Variants in RTL4 observed in about 807,000 individuals in gnomAD.
RTL4 encodes the protein retrotransposon Gag like 4.
A neutral mutation model predicts 5.3 loss-of-function variants in RTL4; 4 were observed. The ratio of observed to expected loss-of-function variants is 0.75; its 90% CI spans 0.37 to 1.72. The LOEUF is 1.72. RTL4 is among the 40% of genes most tolerant of loss of function. The probability of loss-of-function intolerance (pLI) is 0.04; values close to 1 mark genes in which losing one functional copy is unlikely to be tolerated. For synonymous variants in RTL4, 98 were observed against 87.3 expected, an observed-to-expected ratio of 1.12 and a Z score of -0.68; for missense variants, 260 against 227.1, an observed-to-expected ratio of 1.14 and a Z score of -0.93.
chrX:112,407,463 C>A, the RTL4 span, among the ~76,000 whole-genome samples: 2 of 111,621 alleles, frequency 1.8e-5, no homozygotes, highest in Non-Finnish European at 3.8e-5. Context: ...TCTTGTAGTT[C>A]GAGTGCCACT....
At chrX:112,092,920 T>C in the RTL4 span, among the ~76,000 whole-genome samples, 2 of 111,403 alleles carry the variant, frequency 1.8e-5, no homozygotes, top group African/African-American at 6.5e-5. Context: ...AGGTATGTCT[T>C]TATCAGCAGC....
chrX:112,167,878 G>GA, the RTL4 span, among the ~76,000 whole-genome samples: 269 of 99,257 alleles, frequency 2.7e-3, 1 homozygote, highest in African/African-American at 8.5e-3. Flanking sequence ...AAGGCCAAAA[G>GA]AAAAAAAAAA....
chrX:112,119,766 A>G, the RTL4 span, among the ~76,000 whole-genome samples: 1 of 111,632 alleles, frequency 9.0e-6, no homozygotes, highest in Non-Finnish European at 1.9e-5. Flanking sequence ...TTGTAATGGG[A>G]AAGAGCACCA....
the RTL4 span, among the ~76,000 whole-genome samples, chrX:112,387,356 T>TC: frequency 1.1e-5 from 1 of 88,189 alleles, no homozygotes; most frequent in African/African-American, 6.1e-5. Flanking sequence ...CACCTATTTA[T>TC]CTTTTTTTTT....
the RTL4 span, among the ~76,000 whole-genome samples, chrX:112,274,899 A>G: frequency 8.9e-6 from 1 of 111,923 alleles, no homozygotes; most frequent in East Asian, 2.8e-4. Flanking sequence ...AGCAGAGTAC[A>G]TGTCATGAGC....
chrX:112,095,626 T>C, the RTL4 span, among the ~76,000 whole-genome samples: 2 of 110,768 alleles, frequency 1.8e-5, no homozygotes, highest in African/African-American at 6.6e-5. Flanking sequence ...CCCAATGAGA[T>C]GGAAGAGCCT....
chrX:112,358,277 T>C, the RTL4 span, among the ~76,000 whole-genome samples: 2 of 102,531 alleles, frequency 2.0e-5, no homozygotes, highest in Non-Finnish European at 4.0e-5. Context: ...ACTTATGCAT[T>C]TTTTTTTTTT....
At chrX:112,099,468 A>G in the RTL4 span, among the ~76,000 whole-genome samples, 1 of 111,413 alleles carries the variant, frequency 9.0e-6, no homozygotes, top group African/African-American at 3.3e-5. Flanking sequence ...AAGAAAGACT[A>G]TAGAGAAAGT....
chrX:112,310,843 A>G, the RTL4 span, among the ~76,000 whole-genome samples: 1 of 88,852 alleles, frequency 1.1e-5, no homozygotes, highest in South Asian at 4.7e-4. Flanking sequence ...TATATTATAT[A>G]TAAAATACAT....
At chrX:112,330,598 T>A in the RTL4 span, among the ~76,000 whole-genome samples, 1 of 110,601 alleles carries the variant, frequency 9.0e-6, no homozygotes, top group Admixed American at 9.6e-5. Context: ...AATTTACAGA[T>A]TCAATGCCAT....
At chrX:112,307,999 AAGGGATTACACTAT>A in the RTL4 span, among the ~76,000 whole-genome samples, 3 of 111,580 alleles carry the variant, frequency 2.7e-5, no homozygotes, top group African/African-American at 6.5e-5. Context: ...AGTGACTTGC[AAGGGATTACACTAT>A]CTTTTCTCCA....
At chrX:112,343,186 C>T in the RTL4 span, among the ~76,000 whole-genome samples, 1 of 112,188 alleles carries the variant, frequency 8.9e-6, no homozygotes, top group African/African-American at 3.2e-5. Flanking sequence ...CCTAACAAGT[C>T]CAAATGTCAT....
At chrX:112,446,958 T>C in the RTL4 span, among the ~76,000 whole-genome samples, 1 of 112,045 alleles carries the variant, frequency 8.9e-6, no homozygotes, top group East Asian at 2.8e-4. Flanking sequence ...TCGTATAAAT[T>C]CGAGAAAGAA....
chrX:112,231,178 A>G, the RTL4 span, among the ~76,000 whole-genome samples: 5 of 110,619 alleles, frequency 4.5e-5, no homozygotes, highest in African/African-American at 6.6e-5. Flanking sequence ...ATTCCTCAGG[A>G]ATCTAGAACT....
At chrX:112,385,100 A>T in the RTL4 span, among the ~76,000 whole-genome samples, 1 of 111,400 alleles carries the variant, frequency 9.0e-6, no homozygotes, top group African/African-American at 3.3e-5. Flanking sequence ...TATTCTGGAA[A>T]CAAGTCTTTC....
At chrX:112,103,605 C>T in the RTL4 span, among the ~76,000 whole-genome samples, 5 of 110,237 alleles carry the variant, frequency 4.5e-5, no homozygotes, top group Admixed American at 3.9e-4. Context: ...AGAAAGCAGA[C>T]GGACTTCACT....
the RTL4 span, among the ~76,000 whole-genome samples, chrX:112,382,407 C>G: frequency 9.0e-6 from 1 of 111,011 alleles, no homozygotes; most frequent in South Asian, 3.7e-4. Context: ...ACCAGCTTCC[C>G]TTAACTAGCT....
chrX:112,373,930 T>C, the RTL4 span, among the ~76,000 whole-genome samples: 1 of 110,943 alleles, frequency 9.0e-6, no homozygotes, highest in African/African-American at 3.3e-5. Flanking sequence ...ACACAAAGTT[T>C]TTTAGATTCA....
At chrX:112,180,090 T>C in the RTL4 span, among the ~76,000 whole-genome samples, 1 of 111,449 alleles carries the variant, frequency 9.0e-6, no homozygotes, top group Non-Finnish European at 1.9e-5. Context: ...CATTCCTTTA[T>C]ATGCCAACTG....
Sources: allele counts gnomAD v4.1 joint callset (sites outside exome capture counted in the v4.1 genomes callset), GRCh38; gene constraint gnomAD v4.1.1; transcripts MANE v1.5; gene names NCBI Gene and HGNC (gene_info 2026-07-23, HGNC 2026-07-21).